ZGRF1: variants seen among roughly 807,000 people sequenced by gnomAD.
ZGRF1 encodes the protein 5'-3' DNA helicase ZGRF1.
Under a neutral mutation model 203.5 loss-of-function variants are expected in ZGRF1, and 196 were observed. The observed-to-expected ratio is 0.96, with a 90% CI of 0.86 to 1.08. The LOEUF (loss-of-function observed/expected upper bound fraction) is 1.08, where lower values mean the gene tolerates loss of function less well. Among genes scored for constraint, ZGRF1 ranks in the 50% least tolerant of loss-of-function variants. The pLI is 0.00. For missense variants in ZGRF1, 2,326 were observed against 2,416.3 expected (o/e 0.96, Z 0.78); for synonymous variants, 809 against 841.3 (o/e 0.96, Z 0.66).
In ZGRF1 at chr4:112,579,909, T is replaced by C. The variant is rs1030347791; in HGVS notation, c.4438+1754A>G. The stretch of plus-strand genomic sequence containing the variant: ...GCTACCAATGACTTTCTTCACAGAA[T>C]TGGAAAAAACTACTTTGAAGTTCAC... On this transcript the variant is annotated intron_variant, in intron 16 of 27. Transcript: ENST00000505019. Among the ~76,000 whole-genome samples the C allele has an allele frequency of 1.6e-5, 2 of 122,622 alleles. 1 individual carries two copies. The highest frequency in any genetic ancestry group is 1.9e-4 in the Admixed American group (2 of 10,786). The allele number at this position is 122,622 out of a possible 152,430, so 80.4% of individuals were successfully genotyped here.
chr4:112,610,388 T>C (rs1433817539), intron 7 of ZGRF1, among the ~76,000 whole-genome samples: 2 of 151,858 alleles, frequency 1.3e-5, no homozygotes, highest in Admixed American at 6.6e-5. Context: ...CTGGCAAACA[T>C]GGCGAAACCC....
chr4:112,562,634 A>G (rs1169833843), intron 17 of ZGRF1, 149 bp from the exon 18 acceptor site: 1 of 591,098 alleles, frequency 1.7e-6, no homozygotes, highest in East Asian at 2.8e-5. Context: ...GAGATCCCAA[A>G]CTTATATTCA....
In ZGRF1 at chr4:112,576,792, C is replaced by T. The variant is rs541396737; in HGVS notation, c.4438+4871G>A. The stretch of plus-strand genomic sequence containing the variant: ...ATGGGACTATGTGAAAAGACCAAAT[C>T]TACGTCTGATTGGTGTACCTGAAAG... On this transcript the variant is annotated intron_variant, in intron 16 of 27. Coordinates refer to ENST00000505019, the MANE Select transcript of ZGRF1 (RefSeq NM_018392.5). Among the ~76,000 whole-genome samples, 10 of 152,208 alleles carry T rather than the reference C, an allele frequency of 6.6e-5. No homozygotes were observed. The South Asian group carries it at 1.9e-3, about 28-fold the overall frequency.
At chr4:112,544,966 C>T (rs1476760005) in intron 24 of ZGRF1, among the ~76,000 whole-genome samples, 1 of 152,108 alleles carries the variant, frequency 6.6e-6, no homozygotes, top group East Asian at 1.9e-4. Context: ...GGACCCTTAT[C>T]TCAAACCATG....
chr4:112,575,300 G>A (rs1744948984), intron 16 of ZGRF1, among the ~76,000 whole-genome samples: 1 of 152,144 alleles, frequency 6.6e-6, no homozygotes. Context: ...GGGGGGAAGA[G>A]CCAAGATGGC....
At chr4:112,588,891 A>C (rs2149032272) in intron 11 of ZGRF1, among the ~76,000 whole-genome samples, 2 of 152,308 alleles carry the variant, frequency 1.3e-5, no homozygotes, top group Middle Eastern at 3.4e-3. Flanking sequence ...AAGTCCATTA[A>C]AGTAAAAGAT....
Position 112,558,207 on chromosome 4 carries a change from G to A in ZGRF1, c.5063C>T (p.Pro1688Leu), listed in dbSNP as rs757180198. The A allele has an allele frequency of 4.1e-5, 66 of 1,607,978 alleles. No homozygotes were observed. The highest frequency in any genetic ancestry group is 3.7e-4 in the South Asian group (33 of 89,816). ...AGAAGAAGAAATCAGAAGTTTCCAC[G>A]GCCTTGCATTTCCAATGGTGGGAGC... ...SEAPTIGNARPWKLLISSSTN... is the reference protein window; with the variant it reads ...SEAPTIGNARLWKLLISSSTN... The change falls in exon 20 of 28, where the codon CCG becomes CTG. Residue 1688 changes from proline (P) to leucine (L), a missense_variant. By Grantham distance (98) the Pro-to-Leu change is moderately conservative. Coordinates refer to ENST00000505019, the MANE Select transcript of ZGRF1 (RefSeq NM_018392.5).
At chr4:112,540,502 G>A (rs1366498674) in intron 26 of ZGRF1, among the ~76,000 whole-genome samples, 2 of 152,104 alleles carry the variant, frequency 1.3e-5, no homozygotes, top group Non-Finnish European at 2.9e-5. Context: ...AATAATAAAA[G>A]AACATTTTGG....
rs1437290048 is a variant in ZGRF1, at chr4:112,619,317, T to C, written c.725A>G (p.Tyr242Cys). The change falls in exon 6 of 28, where the codon TAT (tyrosine) becomes TGT (cysteine). Residue 242 changes from tyrosine (Y) to cysteine (C), a missense_variant. Transcript: ENST00000505019. Reference sequence around the variant, plus strand: ...TCTGATGTTTTGTGAAACTCCTGAATAGTGAGATGCCAAACTATCTCTTTT... The same window carrying C: ...TCTGATGTTTTGTGAAACTCCTGAACAGTGAGATGCCAAACTATCTCTTTT... ...PVKRDSLASH[Y>C]SGVSQNIRSK... 6 of 1,613,016 alleles carry C rather than the reference T, an allele frequency of 3.7e-6. No homozygotes were observed. Among genetic ancestry groups the C allele is most frequent in the Non-Finnish European group, 4.2e-6 (5 of 1,179,622 alleles).
At position 112,540,127 on chromosome 4, in the gene ZGRF1, G is replaced by A. The variant is rs1415474700; in HGVS notation, c.5911-3C>T. The A allele has an allele frequency of 1.4e-5, 21 of 1,528,244 alleles. No individual in the cohort carries two copies. The highest frequency in any genetic ancestry group is 2.3e-5 in the East Asian group (1 of 42,636). The allele number at this position is 1,528,244 out of a possible 1,614,324, so 94.7% of individuals were successfully genotyped here. On this transcript the variant is annotated splice_polypyrimidine_tract_variant and splice_region_variant and intron_variant, in intron 26 of 27. Transcript: ENST00000505019. ...ACAGCACTGAGTAAATGACAAAGCT[G>A]TGGAAGAAAAAACAGCAATCATGTA...
At position 112,587,644 on chromosome 4, in the gene ZGRF1, T is replaced by C. The variant is rs1290675061; in HGVS notation, c.3413A>G (p.Asn1138Ser). 6.2e-7 allele frequency: 1 copy of C among 1,613,848 alleles called. No homozygotes were observed. Among genetic ancestry groups the C allele is most frequent in the South Asian group, 1.1e-5 (1 of 91,078 alleles). ...CCACTTGCTCTGAGTAGATATATTATTAAGTGAAACATCCCCTGGATTCAC... is the reference window on the plus strand; with the variant it reads ...CCACTTGCTCTGAGTAGATATATTACTAAGTGAAACATCCCCTGGATTCAC... ...REVNPGDVSLNNISTQSKWLK... is the reference protein window; with the variant it reads ...REVNPGDVSLSNISTQSKWLK... The change falls in exon 12 of 28, where the codon AAT becomes AGT. Residue 1138 changes from asparagine to serine, a missense_variant. Transcript: ENST00000505019.
At chr4:112,584,272 C>T (rs984246805) in intron 14 of ZGRF1, 98 bp from the exon 15 acceptor site, 16 of 646,448 alleles carry the variant, frequency 2.5e-5, no homozygotes, top group African/African-American at 1.9e-4. Context: ...GACTGCTTGG[C>T]ATTACTGTAC....
At position 112,619,337 on chromosome 4, in the gene ZGRF1, T is replaced by G; in HGVS notation, c.705A>C (p.Arg235Ser). The change falls in exon 6 of 28, where the codon AGA becomes AGC. Residue 235 changes from arginine (R) to serine (S), a missense_variant. Transcript: ENST00000505019. ...DSLLTNEPVKRDSLASHYSGV... is the reference protein window; with the variant it reads ...DSLLTNEPVKSDSLASHYSGV... ...CTGAATAGTGAGATGCCAAACTATCTCTTTTCACAGGCTCATTGGTCAGTA... is the reference window on the plus strand; with the variant it reads ...CTGAATAGTGAGATGCCAAACTATCGCTTTTCACAGGCTCATTGGTCAGTA... The G allele has an allele frequency of 6.2e-7, 1 of 1,612,592 alleles. No homozygotes were observed. Among genetic ancestry groups the G allele is most frequent in the Non-Finnish European group, 8.5e-7 (1 of 1,179,300 alleles).
chr4:112,624,332 AC>A (rs2047159881), intron 3 of ZGRF1, among the ~76,000 whole-genome samples: 1 of 151,908 alleles, frequency 6.6e-6, no homozygotes, highest in Non-Finnish European at 1.5e-5. Context: ...ACATGGCAAA[AC>A]CCCATCTCTA....
intron 19 of ZGRF1, among the ~76,000 whole-genome samples, chr4:112,560,091 T>G (rs1400069314): frequency 6.6e-6 from 1 of 152,118 alleles, no homozygotes; most frequent in Non-Finnish European, 1.5e-5. Context: ...ATGACATAAT[T>G]CCTCAAAATA....
In ZGRF1 at chr4:112,585,626, A is replaced by G. The variant is rs535903637; in HGVS notation, c.4016T>C (p.Leu1339Pro). The G allele has an allele frequency of 6.2e-7, 1 of 1,611,768 alleles. No homozygotes were observed. Among genetic ancestry groups the G allele is most frequent in the Non-Finnish European group, 8.5e-7 (1 of 1,178,978 alleles). The change falls in exon 14 of 28, where the codon CTG (leucine) becomes CCG (proline). Residue 1339 changes from leucine to proline, a missense_variant. Leu to Pro is a moderately conservative substitution (Grantham distance 98). Transcript: ENST00000505019. ...SFYTSLKGEK[L>P]KNAENNVPSC... ...TGGTACATTATTTTCTGCGTTTTTCAGTTTCTCTCCCTTCAATGATGTATA... is the reference window on the plus strand; with the variant it reads ...TGGTACATTATTTTCTGCGTTTTTCGGTTTCTCTCCCTTCAATGATGTATA...
chr4:112,542,256 C>T (rs1490769076), intron 24 of ZGRF1, among the ~76,000 whole-genome samples: 1 of 152,094 alleles, frequency 6.6e-6, no homozygotes, highest in Non-Finnish European at 1.5e-5. Flanking sequence ...GCAGGAAAAT[C>T]GCTTGAACCC....
intron 20 of ZGRF1, among the ~76,000 whole-genome samples, chr4:112,556,078 C>G (rs1293771096): frequency 1.3e-5 from 2 of 150,598 alleles, no homozygotes; most frequent in Non-Finnish European, 3.0e-5. Context: ...AAAAAAAAAA[C>G]AAAAACAAAA....
intron 12 of ZGRF1, 93 bp downstream of exon 12, chr4:112,587,187 T>G: frequency 1.7e-6 from 2 of 1,177,574 alleles, no homozygotes; most frequent in Non-Finnish European, 2.4e-6. Context: ...CTGTCCAAAT[T>G]GCTCCTATGC....
Sources: gnomAD v4.1 joint callset for allele counts (sites outside exome capture counted in the v4.1 genomes callset) on GRCh38, gnomAD v4.1.1 for gene constraint, MANE v1.5 for transcripts, NCBI Gene and HGNC (gene_info 2026-07-23, HGNC 2026-07-21) for gene names.